Variants in CTNNAL1 observed in about 807,000 individuals in gnomAD.
CTNNAL1 encodes the protein alpha-catulin.
CTNNAL1 carries 69 observed loss-of-function variants against 93.6 expected under a neutral mutation model. That is an observed-to-expected ratio of 0.74 (90% CI 0.61 to 0.90). The LOEUF (loss-of-function observed/expected upper bound fraction) is 0.90. Ranked by LOEUF, CTNNAL1 falls within the 40% of genes least tolerant of loss-of-function variation. The pLI is 0.00. For missense variants in CTNNAL1, 836 were observed against 862.0 expected (o/e 0.97, Z 0.38); for synonymous variants, 286 against 305.4 (o/e 0.94, Z 0.66).
chr9:108,976,913 A>G, intron 8 of CTNNAL1, 49 bp downstream of exon 8: 1 of 764,184 alleles, frequency 1.3e-6, no homozygotes. Context: ...CCCATACAAC[A>G]TGAAAATCAC....
At chr9:108,966,379 G>A (rs1830953533) in intron 10 of CTNNAL1, among the ~76,000 whole-genome samples, 1 of 152,224 alleles carries the variant, frequency 6.6e-6, no homozygotes, top group Admixed American at 6.5e-5. Flanking sequence ...GGATACATAG[G>A]AAGATTACAT....
At chr9:108,953,685 C>T (rs1830622091) in intron 12 of CTNNAL1, among the ~76,000 whole-genome samples, 1 of 152,278 alleles carries the variant, frequency 6.6e-6, no homozygotes, top group Non-Finnish European at 1.5e-5. Context: ...ACAAAACAGC[C>T]TCGTGGAGTT....
intron 1 of CTNNAL1, among the ~76,000 whole-genome samples, chr9:109,006,696 G>C (rs190276679): frequency 2.0e-5 from 3 of 152,294 alleles, no homozygotes; most frequent in Admixed American, 2.0e-4. Flanking sequence ...AGAAGATCTG[G>C]TGTACTAAAG....
intron 1 of CTNNAL1, among the ~76,000 whole-genome samples, chr9:109,010,163 T>A (rs976539046): frequency 6.6e-6 from 1 of 152,198 alleles, no homozygotes; most frequent in Non-Finnish European, 1.5e-5. Flanking sequence ...TAGCTGAGAC[T>A]AGAGTAGCTG....
At chr9:109,010,257 A>C (rs906989090) in intron 1 of CTNNAL1, among the ~76,000 whole-genome samples, 5 of 152,216 alleles carry the variant, frequency 3.3e-5, no homozygotes, top group African/African-American at 1.2e-4. Flanking sequence ...TCCTACACTC[A>C]GTGAACTTGC....
At position 108,942,837 on chromosome 9, in the gene CTNNAL1, G is replaced by A. The variant is rs1048824705; in HGVS notation, c.2140-3C>T. 3.1e-6 allele frequency: 5 copies of A among 1,613,116 alleles called. No homozygotes were observed. The African/African-American group carries it at 5.4e-5, about 17-fold the overall frequency. On this transcript the variant is annotated splice_polypyrimidine_tract_variant and splice_region_variant and intron_variant, in intron 18 of 18. Transcript: ENST00000325551. Reference sequence around the variant, plus strand: ...CATCCGTTATTTTCCATCTGAAGCTGGAAAGAGTTAAGACAATTAGTATCT... The same window carrying A: ...CATCCGTTATTTTCCATCTGAAGCTAGAAAGAGTTAAGACAATTAGTATCT...
chr9:108,963,074 T>G (rs1830860146), intron 11 of CTNNAL1, among the ~76,000 whole-genome samples: 2 of 152,168 alleles, frequency 1.3e-5, no homozygotes, highest in African/African-American at 2.4e-5. Flanking sequence ...AAAAAATTAC[T>G]TATATTTATA....
intron 8 of CTNNAL1, 31 bp from the exon 9 acceptor site, chr9:108,972,864 G>GGGGGGAA: frequency 4.9e-5 from 7 of 142,590 alleles, no homozygotes; most frequent in Non-Finnish European, 7.0e-5. Context: ...GGGGGGGTGG[G>GGGGGGAA]AGGGTGGAGA....
At chr9:108,964,927 A>C (rs896144869) in intron 11 of CTNNAL1, among the ~76,000 whole-genome samples, 2 of 152,064 alleles carry the variant, frequency 1.3e-5, no homozygotes, top group Non-Finnish European at 2.9e-5. Context: ...CAGTGGCGCC[A>C]TCTCAGCTCA....
chr9:109,011,993 T>C (rs1202001703), intron 1 of CTNNAL1, among the ~76,000 whole-genome samples: 1 of 152,218 alleles, frequency 6.6e-6, no homozygotes, highest in Non-Finnish European at 1.5e-5. Context: ...CTAGTGGAGA[T>C]AGGCGAGGAG....
At chr9:108,950,497 C>G in intron 14 of CTNNAL1, 2 of 1,548,290 alleles carry the variant, frequency 1.3e-6, no homozygotes, top group Non-Finnish European at 8.7e-7. Flanking sequence ...TTTCTGCCTT[C>G]TTTTTCCAGA....
intron 8 of CTNNAL1, among the ~76,000 whole-genome samples, chr9:108,973,737 C>T (rs1350928387): frequency 6.7e-6 from 1 of 148,188 alleles, no homozygotes; most frequent in East Asian, 2.0e-4. Context: ...AGAAATAGAT[C>T]ATTTTTAATA....
chr9:108,998,549 A>C (rs1211604107), intron 2 of CTNNAL1, among the ~76,000 whole-genome samples: 1 of 152,130 alleles, frequency 6.6e-6, no homozygotes, highest in African/African-American at 2.4e-5. Flanking sequence ...CTGGTATATC[A>C]CCAGCATTCA....
chr9:108,967,902 T>TA (rs1831005952), intron 10 of CTNNAL1, among the ~76,000 whole-genome samples: 2 of 152,224 alleles, frequency 1.3e-5, no homozygotes, highest in Non-Finnish European at 2.9e-5. Flanking sequence ...TGTTAGCTAA[T>TA]ATATTAATAG....
chr9:108,958,566 C>T (rs1281796419), intron 11 of CTNNAL1, among the ~76,000 whole-genome samples: 1 of 152,170 alleles, frequency 6.6e-6, no homozygotes, highest in African/African-American at 2.4e-5. Flanking sequence ...TAGGCCTCCT[C>T]CACATACTAT....
In CTNNAL1 at chr9:108,990,834, A is replaced by G. The variant is rs544864293; in HGVS notation, c.531T>C (p.Thr177=). Residue 177 remains threonine, a synonymous_variant, in exon 4 of 19, where the codon ACT becomes ACC. Coordinates refer to ENST00000325551, the MANE Select transcript of CTNNAL1 (RefSeq NM_003798.4). ...TATTCACTTTCTCTAGTCTTTCCAT[A>G]GTTGCGAGAACCTGCAAAACAGATA... The part of the protein sequence containing the change: ...IITSRNKVLA[T]MERLEKVNSF... 3.1e-6 allele frequency: 5 copies of G among 1,612,704 alleles called. No homozygotes were observed. The African/African-American group carries it at 6.7e-5, about 22-fold the overall frequency.
chr9:108,983,459 A>T (rs1587971894), intron 5 of CTNNAL1, 144 bp from the exon 6 acceptor site: 1 of 920,118 alleles, frequency 1.1e-6, no homozygotes, highest in Admixed American at 4.2e-5. Flanking sequence ...GCTTCTCCTC[A>T]CTAAAGTGGA....
intron 15 of CTNNAL1, 23 bp downstream of exon 15, chr9:108,948,163 C>A: frequency 6.2e-7 from 1 of 1,609,040 alleles, no homozygotes. Context: ...AAAGTACTAG[C>A]ATAAAACGGA....
intron 14 of CTNNAL1, among the ~76,000 whole-genome samples, chr9:108,951,622 C>T (rs1013975564): frequency 6.6e-6 from 1 of 152,102 alleles, no homozygotes; most frequent in Non-Finnish European, 1.5e-5. Context: ...ATTACTATAC[C>T]TTATGTATAA....
Sources: allele counts gnomAD v4.1 joint callset (sites outside exome capture counted in the v4.1 genomes callset), GRCh38; gene constraint gnomAD v4.1.1; transcripts MANE v1.5; gene names NCBI Gene and HGNC (gene_info 2026-07-23, HGNC 2026-07-21).